The following ZNF184 variants were observed in gnomAD, a reference collection of about 807,000 sequenced individuals.
ZNF184 encodes the protein zinc finger protein 184 (Kruppel-like).
In ZNF184, 16 loss-of-function variants were observed where a neutral mutation model predicts 54.4. That is an observed-to-expected ratio of 0.29 (90% CI 0.20 to 0.45). The LOEUF (loss-of-function observed/expected upper bound fraction) is 0.45, where lower values mean the gene tolerates loss of function less well. Ranked by LOEUF, ZNF184 falls within the 20% of genes least tolerant of loss-of-function variation. The pLI is 1.00. For missense variants in ZNF184, 681 were observed against 888.2 expected (o/e 0.77, Z 2.97); for synonymous variants, 254 against 295.3 (o/e 0.86, Z 1.43).
the ZNF184 span, among the ~76,000 whole-genome samples, chr6:27,411,952 G>A: frequency 6.6e-6 from 1 of 151,894 alleles, no homozygotes; most frequent in African/African-American, 2.4e-5. Flanking sequence ...AGCTAATACT[G>A]CGGGGTGGAT....
the ZNF184 span, among the ~76,000 whole-genome samples, chr6:27,418,346 C>A: frequency 3.3e-5 from 5 of 152,218 alleles, no homozygotes; most frequent in African/African-American, 1.2e-4. Context: ...TAGGACCTGG[C>A]AGATCCCAGT....
chr6:27,404,711 A>G, the ZNF184 span: 108,241 of 152,096 alleles, frequency 0.71, 38,724 homozygotes, highest in Middle Eastern at 0.82. Flanking sequence ...TGCACTGCCA[A>G]TCATATAAAA....
At position 27,452,554 on chromosome 6, in the gene ZNF184, A is replaced by C. The variant is rs779694485; in HGVS notation, c.1005T>G (p.Thr335=). ...TAAAGGCTTTTCCACACTCATTACAAGTGTATGGCTTCTCGCCAGTATGAA... is the reference window on the plus strand; with the variant it reads ...TAAAGGCTTTTCCACACTCATTACACGTGTATGGCTTCTCGCCAGTATGAA... ...QRIHTGEKPY[T]CNECGKAFSQ... Residue 335 remains threonine, a synonymous_variant, in exon 6 of 6, where the codon ACT becomes ACG. Coordinates refer to ENST00000683788, the MANE Select transcript of ZNF184 (RefSeq NM_001318891.2). This position sits in a 1 kb window ranked among gnomAD's most constrained non-coding sequence, Gnocchi z 5.5. 6.2e-7 allele frequency: 1 copy of C among 1,614,050 alleles called. No individual in the cohort carries two copies. Among genetic ancestry groups the C allele is most frequent in the Non-Finnish European group, 8.5e-7 (1 of 1,179,998 alleles).
the ZNF184 span, among the ~76,000 whole-genome samples, chr6:27,441,255 C>A: frequency 6.6e-6 from 1 of 152,138 alleles, no homozygotes; most frequent in Non-Finnish European, 1.5e-5. Context: ...CAGGATCTTG[C>A]TCTGGAGCTG....
At chr6:27,469,895 T>C (rs571597801) in intron 2 of ZNF184, among the ~76,000 whole-genome samples, 3 of 151,982 alleles carry the variant, frequency 2.0e-5, no homozygotes, top group African/African-American at 7.2e-5. Context: ...ACCTTAAAAC[T>C]ATAAAAAAAA....
chr6:27,425,343 C>T, the ZNF184 span, among the ~76,000 whole-genome samples: 3 of 152,228 alleles, frequency 2.0e-5, no homozygotes, highest in Admixed American at 1.3e-4. Context: ...GAGGAGGCGC[C>T]GAGAGCGAGC....
the ZNF184 span, among the ~76,000 whole-genome samples, chr6:27,445,075 CCT>C: frequency 5.9e-5 from 9 of 152,236 alleles, no homozygotes; most frequent in Middle Eastern, 3.4e-3. Flanking sequence ...TATGTATACC[CCT>C]GTGACAAAAT....
At chr6:27,420,120 A>G in the ZNF184 span, among the ~76,000 whole-genome samples, 63 of 152,202 alleles carry the variant, frequency 4.1e-4, no homozygotes, top group Admixed American at 3.3e-3. Context: ...ACTCTCCACA[A>G]CCAGTCTTGA....
rs755341711 is a variant in ZNF184, at chr6:27,467,930, G to A, written c.8-10C>T. ...TCTGGAGAGGACAGATCTAGGGGGA[G>A]AAGCAGGAGCCATATGACTTCTGTT... is the stretch of plus-strand genomic sequence containing the variant. On this transcript the variant is annotated splice_polypyrimidine_tract_variant and intron_variant, in intron 2 of 5. Coordinates refer to ENST00000683788, the MANE Select transcript of ZNF184 (RefSeq NM_001318891.2). The A allele has an allele frequency of 1.9e-6, 3 of 1,580,636 alleles. No individual in the cohort carries two copies. Among genetic ancestry groups the A allele is most frequent in the South Asian group, 2.3e-5 (2 of 85,734 alleles).
downstream of ZNF184, among the ~76,000 whole-genome samples, chr6:27,445,751 G>A (rs1446475393): frequency 3.0e-5 from 4 of 132,308 alleles, no homozygotes; most frequent in African/African-American, 1.1e-4. Context: ...CAGAAAATTG[G>A]TAAAGGCTAT....
the ZNF184 span, chr6:27,405,110 CA>C: frequency 1.3e-5 from 2 of 151,964 alleles, no homozygotes; most frequent in African/African-American, 4.8e-5. Context: ...TAGGTTGGTG[CA>C]AAAGTAACTG....
the ZNF184 span, among the ~76,000 whole-genome samples, chr6:27,427,491 T>C: frequency 1.3e-5 from 2 of 152,184 alleles, no homozygotes; most frequent in South Asian, 2.1e-4. Flanking sequence ...TACTTCTCAT[T>C]CTTTGACTCT....
At chr6:27,407,816 G>T in the ZNF184 span, 1 of 779,488 alleles carries the variant, frequency 1.3e-6, no homozygotes. Flanking sequence ...GCAATTATTT[G>T]CTTGATGGTT....
chr6:27,458,384 C>G (rs1762918397), intron 3 of ZNF184, among the ~76,000 whole-genome samples: 1 of 146,012 alleles, frequency 6.8e-6, no homozygotes. Flanking sequence ...ATTCATCTCA[C>G]AAGGGACTAA....
chr6:27,438,153 T>C, the ZNF184 span, among the ~76,000 whole-genome samples: 1 of 152,218 alleles, frequency 6.6e-6, no homozygotes, highest in Non-Finnish European at 1.5e-5. Flanking sequence ...AAGTTTACCA[T>C]GGAGTAAAAT....
At chr6:27,457,037 T>C (rs1174984670) in intron 4 of ZNF184, 116 bp from the exon 5 acceptor site, 4 of 1,003,552 alleles carry the variant, frequency 4.0e-6, no homozygotes, top group Non-Finnish European at 4.4e-6. Flanking sequence ...CTGATGGGAG[T>C]GGATAGCATA....
At chr6:27,435,326 T>C in the ZNF184 span, among the ~76,000 whole-genome samples, 1 of 152,212 alleles carries the variant, frequency 6.6e-6, no homozygotes, top group Admixed American at 6.5e-5. Flanking sequence ...CTTTTGGTAG[T>C]GTTTTGTAGT....
chr6:27,415,660 A>C, the ZNF184 span, among the ~76,000 whole-genome samples: 1 of 152,180 alleles, frequency 6.6e-6, no homozygotes, highest in Non-Finnish European at 1.5e-5. Flanking sequence ...CTTCCTTTGA[A>C]ATACAGGGAC....
chr6:27,414,745 C>G, the ZNF184 span, among the ~76,000 whole-genome samples: 1,264 of 152,032 alleles, frequency 8.3e-3, 37 homozygotes, highest in Admixed American at 0.049. Flanking sequence ...ATACTCTATA[C>G]TTTTTAAAGA....
Sources: gnomAD v4.1 joint callset for allele counts (sites outside exome capture counted in the v4.1 genomes callset) on GRCh38, gnomAD v4.1.1 for gene constraint, Gnocchi (gnomAD v3.1) non-coding constraint, MANE v1.5 for transcripts, NCBI Gene and HGNC (gene_info 2026-07-23, HGNC 2026-07-21) for gene names.